PLEC: variants seen among roughly 807,000 people sequenced by gnomAD.
PLEC encodes the protein hemidesmosomal protein 1.
In PLEC, 216 loss-of-function variants were observed where a neutral mutation model predicts 392.8. The ratio of observed to expected loss-of-function variants is 0.55; its 90% CI spans 0.49 to 0.62. The LOEUF (loss-of-function observed/expected upper bound fraction) is 0.62. PLEC is among the 20% of genes least tolerant of loss of function. The pLI is 0.00. For missense variants in PLEC, 6,863 were observed against 6,563.4 expected (o/e 1.05, Z -1.58); for synonymous variants, 3,621 against 2,980.6 (o/e 1.21, Z -7.00).
intron 10 of PLEC, 70 bp downstream of exon 10, chr8:143,934,565 G>C (rs945093910): frequency 1.2e-4 from 198 of 1,599,052 alleles, no homozygotes; most frequent in Non-Finnish European, 1.7e-4. Flanking sequence ...GGGCCAGGTC[G>C]GCTCCGGAAG....
intron 1 of PLEC, chr8:143,944,703 G>A (rs2132561173): frequency 1.5e-6 from 2 of 1,309,062 alleles, no homozygotes; most frequent in Middle Eastern, 2.0e-4. Flanking sequence ...GACGGAGCGG[G>A]CCAGGGGTGT....
upstream of PLEC, among the ~76,000 whole-genome samples, chr8:143,951,595 C>G (rs1832152199): frequency 6.6e-6 from 1 of 152,062 alleles, no homozygotes; most frequent in Admixed American, 6.5e-5. Context: ...AGAGCACCGG[C>G]TAGGGGGCTC....
rs1554681797 is a variant in PLEC, at chr8:143,920,440, C to T, written c.9381G>A (p.Arg3127=). The T allele has an allele frequency of 6.3e-7, 1 of 1,599,322 alleles. No homozygotes were observed. The highest frequency in any genetic ancestry group is 1.7e-5 in the Admixed American group (1 of 59,456). ...FQALKKGLIP[R]EQGLRLLDAQ... is the part of the protein sequence containing the mutation. ...CGTCCAACAGGCGCAGGCCCTGCTC[C>T]CGGGGAATGAGGCCCTTCTTCAGGG... is the stretch of plus-strand genomic sequence containing the variant. The change falls in exon 32 of 32, where the codon CGG becomes CGA. Residue 3127 remains arginine (R), a synonymous_variant. Transcript: ENST00000345136.
chr8:143,940,592 C>A (rs1830275655), upstream of PLEC, among the ~76,000 whole-genome samples: 1 of 152,204 alleles, frequency 6.6e-6, no homozygotes, highest in South Asian at 2.1e-4. Context: ...GCTTCTGGGC[C>A]TGCCCAGCCC....
chr8:143,924,675 C>T lies in PLEC; in HGVS notation c.5254G>A (p.Glu1752Lys). Residue 1752 changes from glutamate (E) to lysine (K), a missense_variant, in exon 31 of 32, where the codon GAG (glutamate) becomes AAG (lysine). Physicochemically the swap from Glu to Lys is moderately conservative, Grantham distance 56. Coordinates refer to ENST00000345136, the MANE Select transcript of PLEC (RefSeq NM_201384.3). ...ACCTTGGCCAGCTCGGCTTCCAGCT[C>T]CTGCCGTTTCTGCGTGGCTGCAGCC... is the stretch of plus-strand genomic sequence containing the variant. ...EAAAATQKRQ[E>K]LEAELAKVRA... 1 of 1,535,354 alleles carries T rather than the reference C, an allele frequency of 6.5e-7. No individual in the cohort carries two copies. Among genetic ancestry groups the T allele is most frequent in the Non-Finnish European group, 8.7e-7 (1 of 1,146,626 alleles).
intron 29 of PLEC, 29 bp from the exon 30 acceptor site, chr8:143,926,911 C>G (rs372909209): frequency 6.2e-7 from 1 of 1,608,102 alleles, no homozygotes; most frequent in African/African-American, 1.3e-5. Context: ...GTTAGCCCTG[C>G]GAGAGCTGCA....
At chr8:143,959,161 G>A (rs887901211) in intron 1 of PLEC, among the ~76,000 whole-genome samples, 4 of 152,178 alleles carry the variant, frequency 2.6e-5, no homozygotes, top group East Asian at 1.9e-4. Context: ...CGCAGCTCTC[G>A]GTCCAGCGCC....
chr8:143,923,077 A>G lies in PLEC; in HGVS notation c.6852T>C (p.Ser2284=). The G allele has an allele frequency of 6.2e-7, 1 of 1,606,306 alleles. No individual in the cohort carries two copies. The highest frequency in any genetic ancestry group is 8.5e-7 in the Non-Finnish European group (1 of 1,179,152). ...KQVAEEAARL[S]VAAQEAARLR... ...GTCGCGCAGCCTCTTGGGCCGCCAC[A>G]CTCAGCCGCGCGGCCTCCTCCGCCA... Residue 2284 remains serine (S), a synonymous_variant, in exon 31 of 32, where the codon AGT becomes AGC. Transcript: ENST00000345136.
upstream of PLEC, among the ~76,000 whole-genome samples, chr8:143,952,319 C>G (rs950422538): frequency 6.6e-6 from 1 of 152,204 alleles, no homozygotes; most frequent in Admixed American, 6.5e-5. Context: ...AGGGCCAGCT[C>G]GCTGCGGCAT....
rs1554712378 is a variant in PLEC, at chr8:143,929,925, G to A, written c.2739+11C>T. The A allele has an allele frequency of 1.9e-6, 3 of 1,608,550 alleles. No individual in the cohort carries two copies. The highest frequency in any genetic ancestry group is 1.1e-5 in the South Asian group (1 of 90,962). ...CCACCCAGAGAGCCCCCGGCTCGGG[G>A]GCAGGCGTACCGTGGCCAGGGACCA... On this transcript the variant is annotated intron_variant, in intron 22 of 31. Coordinates refer to ENST00000345136, the MANE Select transcript of PLEC (RefSeq NM_201384.3).
At chr8:143,951,032 G>A (rs1832094633), upstream of PLEC, among the ~76,000 whole-genome samples, 1 of 152,216 alleles carries the variant, frequency 6.6e-6, no homozygotes, top group Admixed American at 6.5e-5. Context: ...AGAGTGGGGG[G>A]CACCTCAAGA....
upstream of PLEC, among the ~76,000 whole-genome samples, chr8:143,974,697 C>T (rs1440752122): frequency 1.3e-5 from 2 of 152,240 alleles, no homozygotes; most frequent in Admixed American, 1.3e-4. The surrounding 1 kb of genome is among the most constrained non-coding windows in gnomAD (Gnocchi z 5.9). Flanking sequence ...CTCCTGCCCT[C>T]CCCCTTCCCC....
At chr8:143,946,293 G>A (rs1831460577) in intron 1 of PLEC, 3 of 1,218,772 alleles carry the variant, frequency 2.5e-6, no homozygotes, top group South Asian at 2.5e-5. Context: ...AGGTCTGCCA[G>A]AGGCGGCCCC....
In PLEC at chr8:143,924,100, C is replaced by T. The variant is rs1554695730; in HGVS notation, c.5829G>A (p.Glu1943=). The T allele has an allele frequency of 6.3e-7, 1 of 1,598,702 alleles. No individual in the cohort carries two copies. The highest frequency in any genetic ancestry group is 2.2e-5 in the East Asian group (1 of 44,806). The change falls in exon 31 of 32, where the codon GAG becomes GAA. Residue 1943 remains glutamate (E), a synonymous_variant. Coordinates refer to ENST00000345136, the MANE Select transcript of PLEC (RefSeq NM_201384.3). The part of the protein sequence containing the change: ...SFEKAAAGKA[E]LELELGRIRS... ...GGATGCGTCCCAGCTCCAGCTCCAGCTCCGCCTTGCCAGCGGCCGCCTTCT... is the reference window on the plus strand; with the variant it reads ...GGATGCGTCCCAGCTCCAGCTCCAGTTCCGCCTTGCCAGCGGCCGCCTTCT...
intron 3 of PLEC, 109 bp from the exon 4 acceptor site, chr8:143,937,351 G>A (rs1475396922): frequency 5.0e-6 from 4 of 805,474 alleles, no homozygotes; most frequent in African/African-American, 1.7e-5. Context: ...TCCCCAGGGG[G>A]CAGCAGCCCC....
intron 6 of PLEC, among the ~76,000 whole-genome samples, chr8:143,935,618 T>C (rs759479858): frequency 6.3e-4 from 96 of 152,128 alleles, no homozygotes; most frequent in Non-Finnish European, 1.0e-3. Context: ...TGCACCTGGC[T>C]GTGAGGACCA....
rs1187507403 is a variant in PLEC, at chr8:143,950,439, G to A, written c.268C>T (p.Pro90Ser). Residue 90 changes from proline (P) to serine (S), a missense_variant, in exon 1 of 32, where the codon CCA becomes TCA. Transcript: ENST00000322810. ...TGCAGAGAGGCGGGCACGATCTCTG[G>A]CGGCAGGTGCAGGTACTGGCGGAGG... The A allele has an allele frequency of 1.9e-6, 3 of 1,602,122 alleles. No individual in the cohort carries two copies. The African/African-American group carries it at 4.0e-5, about 21-fold the overall frequency.
rs1820361143 is a variant in PLEC, at chr8:143,915,875, G to A, written c.*302C>T. On this transcript the variant is annotated 3_prime_UTR_variant, in exon 32 of 32. Coordinates refer to ENST00000345136, the MANE Select transcript of PLEC (RefSeq NM_201384.3). ...ACTGGCAGGCGGGCTACCCTGGGAA[G>A]ACAGGAGGGTGGGCTGGGGCCCAGC... 2 of 258,782 alleles carry A rather than the reference G, an allele frequency of 7.7e-6. No homozygotes were observed. The highest frequency in any genetic ancestry group is 7.0e-5 in the South Asian group (1 of 14,358). 16.0% of individuals were successfully genotyped at this position (258,782 alleles called of 1,614,324 possible).
At position 143,924,481 on chromosome 8, in the gene PLEC, C is replaced by A; in HGVS notation, c.5448G>T (p.Gln1816His). Residue 1816 changes from glutamine (Q) to histidine (H), a missense_variant, in exon 31 of 32, where the codon CAG becomes CAT. By Grantham distance (24) the Gln-to-His change is conservative. Transcript: ENST00000345136. The part of the protein sequence containing the change: ...LRALAEEAKR[Q>H]RQLAEEDAAR... ...CCGCGTCTTCCTCGGCCAGCTGCCGCTGCCGCTTGGCCTCTTCCGCCAGGG... is the reference window on the plus strand; with the variant it reads ...CCGCGTCTTCCTCGGCCAGCTGCCGATGCCGCTTGGCCTCTTCCGCCAGGG... The A allele has an allele frequency of 6.5e-7, 1 of 1,542,064 alleles. No homozygotes were observed. Among genetic ancestry groups the A allele is most frequent in the Non-Finnish European group, 8.7e-7 (1 of 1,152,742 alleles).
Sources: allele counts gnomAD v4.1 joint callset (sites outside exome capture counted in the v4.1 genomes callset), GRCh38; gene constraint gnomAD v4.1.1; non-coding constraint Gnocchi (gnomAD v3.1); transcripts MANE v1.5; gene names NCBI Gene and HGNC (gene_info 2026-07-23, HGNC 2026-07-21).